Variants in UBN1 observed in about 807,000 individuals in gnomAD.
The protein encoded by UBN1 is ubinuclein-1.
UBN1 carries 17 observed loss-of-function variants against 108.5 expected under a neutral mutation model. The ratio of observed to expected loss-of-function variants is 0.16; its 90% CI spans 0.11 to 0.24. The LOEUF is 0.24. Ranked by LOEUF, UBN1 falls within the 10% of genes least tolerant of loss-of-function variation. The pLI, the probability that UBN1 is intolerant of heterozygous loss-of-function variation, is 1.00. For missense variants in UBN1, 1,595 were observed against 1,394.4 expected, an observed-to-expected ratio of 1.14 and a Z score of -2.29; for synonymous variants, 726 against 564.2, an observed-to-expected ratio of 1.29 and a Z score of -4.07.
intron 14 of UBN1, 62 bp from the exon 15 acceptor site, chr16:4,874,149 C>G (rs1196777963): frequency 6.7e-7 from 1 of 1,498,794 alleles, no homozygotes; most frequent in Non-Finnish European, 8.8e-7. Context: ...TGTATCCTCA[C>G]AACAGGCCAA....
In UBN1 at chr16:4,853,104, T is replaced by G. The variant is rs1160499972; in HGVS notation, c.187T>G (p.Phe63Val). 10 of 1,614,122 alleles carry G rather than the reference T, an allele frequency of 6.2e-6. No individual in the cohort carries two copies. The highest frequency in any genetic ancestry group is 3.4e-6 in the Non-Finnish European group (4 of 1,180,054). Residue 63 changes from phenylalanine to valine, a missense_variant, in exon 2 of 18, where the codon TTC (phenylalanine) becomes GTC (valine). Coordinates refer to ENST00000262376, the MANE Select transcript of UBN1 (RefSeq NM_001079514.3). Reference sequence around the variant, plus strand: ...AGATCACAAACGCTGCCCAGAGTTCTTCTACCCAGAGCTGGTGAAGAATAT... The same window carrying G: ...AGATCACAAACGCTGCCCAGAGTTCGTCTACCCAGAGCTGGTGAAGAATAT... ...EPDHKRCPEFFYPELVKNIRG... is the reference protein window; with the variant it reads ...EPDHKRCPEFVYPELVKNIRG...
chr16:4,873,160 C>T (rs1011514266), intron 14 of UBN1, 87 bp downstream of exon 14: 43 of 1,574,988 alleles, frequency 2.7e-5, no homozygotes, highest in Admixed American at 5.0e-5. Context: ...TGTGGAAGCT[C>T]ATTGATCTTT....
intron 15 of UBN1, 107 bp downstream of exon 15, chr16:4,875,541 G>A: frequency 1.4e-6 from 2 of 1,452,910 alleles, no homozygotes; most frequent in South Asian, 1.4e-5. Flanking sequence ...CCACAGGTCA[G>A]GTAGGAACAG....
rs747821828 is a variant in UBN1, at chr16:4,874,186, C to T, written c.1801-25C>T. On this transcript the variant is annotated intron_variant, in intron 14 of 17. Coordinates refer to ENST00000262376, the MANE Select transcript of UBN1 (RefSeq NM_001079514.3). ...GTTGGCATCTTTGGACCTTTCTAAA[C>T]ATCAACATTTCTGTTTTCCTTTAGG... is the stretch of plus-strand genomic sequence containing the variant. 1.1e-5 allele frequency: 17 copies of T among 1,523,632 alleles called. No homozygotes were observed. In the South Asian group the frequency reaches 2.0e-4, roughly 18 times the overall value. The allele number at this position is 1,523,632 out of a possible 1,614,324, so 94.4% of individuals were successfully genotyped here.
In UBN1 at chr16:4,868,817, G is replaced by A. The variant is rs2142227954; in HGVS notation, c.1111-16G>A. The A allele has an allele frequency of 1.2e-6, 2 of 1,613,290 alleles. No homozygotes were observed. The highest frequency in any genetic ancestry group is 1.7e-6 in the Non-Finnish European group (2 of 1,179,584). On this transcript the variant is annotated splice_polypyrimidine_tract_variant and intron_variant, in intron 7 of 17. Transcript: ENST00000262376. ...GGAAAGTGCACTAACGGCTGTTACTGTCTGCTGTGCACCAGGCTGCCAGAG... is the reference window on the plus strand; with the variant it reads ...GGAAAGTGCACTAACGGCTGTTACTATCTGCTGTGCACCAGGCTGCCAGAG...
Position 4,877,951 on chromosome 16 carries a change from T to A in UBN1, c.3355+477T>A. 3.2e-6 allele frequency: 2 copies of A among 616,498 alleles called. No individual in the cohort carries two copies. Among genetic ancestry groups the A allele is most frequent in the Non-Finnish European group, 4.1e-6 (2 of 493,086 alleles). The allele number at this position is 616,498 out of a possible 1,614,324, so 38.2% of individuals were successfully genotyped here. Reference sequence around the variant, plus strand: ...GTTTCCATTAAAGGGAAAATCCAGGTAGCAGCCAGAGGCCACAGTGCAAGA... The same window carrying A: ...GTTTCCATTAAAGGGAAAATCCAGGAAGCAGCCAGAGGCCACAGTGCAAGA... On this transcript the variant is annotated intron_variant, in intron 17 of 17. Coordinates refer to ENST00000262376, the MANE Select transcript of UBN1 (RefSeq NM_001079514.3). The surrounding 1 kb of genome is among the most constrained non-coding windows in gnomAD (Gnocchi z 4.3).
Position 4,877,322 on chromosome 16 carries a change from C to T in UBN1, c.3266-63C>T. 1.9e-6 allele frequency: 3 copies of T among 1,563,492 alleles called. No individual in the cohort carries two copies. The highest frequency in any genetic ancestry group is 2.3e-5 in the South Asian group (2 of 85,582). On this transcript the variant is annotated intron_variant, in intron 16 of 17. Transcript: ENST00000262376. This position sits in a 1 kb window ranked among gnomAD's most constrained non-coding sequence, Gnocchi z 4.3. ...CGGGGGCTTTTGGCTGCTGGAGCTGCTTTCCTGTTCCTGTCTTCAATGTGT... is the reference window on the plus strand; with the variant it reads ...CGGGGGCTTTTGGCTGCTGGAGCTGTTTTCCTGTTCCTGTCTTCAATGTGT...
rs2088098495 is a variant in UBN1 at position 4,882,284 on chromosome 16, T to A, written c.*2152T>A. On this transcript the variant is annotated 3_prime_UTR_variant, in exon 18 of 18. Coordinates refer to ENST00000262376, the MANE Select transcript of UBN1 (RefSeq NM_001079514.3). ...GGCTGTGGCTTTTGTGCAGCGACTA[T>A]GTTGGTGTTAGGGGTGGTGTGGAGA... 6.6e-6 allele frequency: 1 copy of A among 152,624 alleles called. No homozygotes were observed. The highest frequency in any genetic ancestry group is 2.1e-4 in the South Asian group (1 of 4,828). The allele number at this position is 152,624 out of a possible 1,614,324, so 9.5% of individuals were successfully genotyped here. A position where few individuals can be genotyped will look rare whatever the true frequency, so the allele number is the denominator to read the frequency against.
intron 1 of UBN1, chr16:4,852,259 A>G (rs1021476753): frequency 6.6e-6 from 1 of 152,272 alleles, no homozygotes; most frequent in African/African-American, 2.4e-5. Context: ...TATTTTGACC[A>G]TTCCCAAGTG....
At chr16:4,878,458 A>C (rs1368041255) in intron 17 of UBN1, among the ~76,000 whole-genome samples, 2 of 152,182 alleles carry the variant, frequency 1.3e-5, no homozygotes, top group African/African-American at 4.8e-5. Flanking sequence ...GCTCCCTGGC[A>C]CCATGGCGCA....
Position 4,877,535 on chromosome 16 carries a change from G to C in UBN1, c.3355+61G>C. 1 of 1,515,294 alleles carries C rather than the reference G, an allele frequency of 6.6e-7. No homozygotes were observed. Among genetic ancestry groups the C allele is most frequent in the Non-Finnish European group, 8.8e-7 (1 of 1,134,018 alleles). 93.9% of individuals were successfully genotyped at this position (1,515,294 alleles called of 1,614,324 possible). Reference sequence around the variant, plus strand: ...TGTGCCTTTGCCCTCTCCACCCCTAGGTGCTTTGCCGCTGCCAAGGGTCTT... The same window carrying C: ...TGTGCCTTTGCCCTCTCCACCCCTACGTGCTTTGCCGCTGCCAAGGGTCTT... On this transcript the variant is annotated intron_variant, in intron 17 of 17. Coordinates refer to ENST00000262376, the MANE Select transcript of UBN1 (RefSeq NM_001079514.3). The surrounding 1 kb of genome is among the most constrained non-coding windows in gnomAD (Gnocchi z 4.3).
In UBN1 at chr16:4,870,641, T is replaced by G. The variant is rs2087582798; in HGVS notation, c.1430+7T>G. The G allele has an allele frequency of 6.2e-7, 1 of 1,613,790 alleles. No homozygotes were observed. Among genetic ancestry groups the G allele is most frequent in the Middle Eastern group, 1.7e-4 (1 of 6,056 alleles). ...CGCAGGCAAAGGTTGCCAAGTAAGTTTGTCCTGGCGCTTGCAGGTGCAACC... is the reference window on the plus strand; with the variant it reads ...CGCAGGCAAAGGTTGCCAAGTAAGTGTGTCCTGGCGCTTGCAGGTGCAACC... On this transcript the variant is annotated splice_region_variant and intron_variant, in intron 10 of 17. Transcript: ENST00000262376.
chr16:4,858,888 C>A, intron 4 of UBN1, 137 bp from the exon 5 acceptor site: 1 of 1,193,572 alleles, frequency 8.4e-7, no homozygotes, highest in Non-Finnish European at 1.2e-6. Flanking sequence ...CTCAGACATT[C>A]ATGTTTGACC....
chr16:4,856,305 C>G (rs1316969044), intron 2 of UBN1, among the ~76,000 whole-genome samples: 2 of 152,188 alleles, frequency 1.3e-5, no homozygotes, highest in Non-Finnish European at 2.9e-5. Flanking sequence ...AGGATTCAGT[C>G]CTGGACTTCG....
chr16:4,853,490 A>G (rs1229550599), intron 2 of UBN1, among the ~76,000 whole-genome samples: 2 of 152,104 alleles, frequency 1.3e-5, no homozygotes, highest in African/African-American at 4.8e-5. Context: ...TCCTCTTCCA[A>G]CAGAATCTTG....
chr16:4,853,511 A>G (rs1368766207), intron 2 of UBN1, among the ~76,000 whole-genome samples: 1 of 151,536 alleles, frequency 6.6e-6, no homozygotes, highest in Admixed American at 6.6e-5. Flanking sequence ...CTGTCTACCT[A>G]GTATAGGGGC....
intron 4 of UBN1, 103 bp downstream of exon 4, chr16:4,858,766 TC>T: frequency 1.7e-6 from 2 of 1,151,932 alleles, no homozygotes; most frequent in Non-Finnish European, 2.6e-6. Context: ...CGTGCCCTCT[TC>T]CCAGCATGAG....
At position 4,851,300 on chromosome 16, in the gene UBN1, A is replaced by G. The variant is rs2142105494; in HGVS notation, c.-39-1579A>G. 2.0e-5 allele frequency among the ~76,000 whole-genome samples: 3 copies of G among 152,320 alleles called. 1 individual carries two copies. The Middle Eastern group carries it at 0.01, about 518-fold the overall frequency. ...GGCAACATGGCAAAACAACGTCCCTACAAAAAATACAAAAATTAGCACGCC... is the reference window on the plus strand; with the variant it reads ...GGCAACATGGCAAAACAACGTCCCTGCAAAAAATACAAAAATTAGCACGCC... On this transcript the variant is annotated intron_variant, in intron 1 of 17. Coordinates refer to ENST00000262376, the MANE Select transcript of UBN1 (RefSeq NM_001079514.3).
chr16:4,855,364 C>G (rs142616830), intron 2 of UBN1, among the ~76,000 whole-genome samples: 1 of 152,066 alleles, frequency 6.6e-6, no homozygotes, highest in Non-Finnish European at 1.5e-5. Context: ...CCTGTAATCC[C>G]AGCACTTTGG....
Sources: allele counts gnomAD v4.1 joint callset (sites outside exome capture counted in the v4.1 genomes callset), GRCh38; gene constraint gnomAD v4.1.1; non-coding constraint Gnocchi (gnomAD v3.1); transcripts MANE v1.5; gene names NCBI Gene and HGNC (gene_info 2026-07-23, HGNC 2026-07-21).